LIN9: variants seen among roughly 807,000 people sequenced by gnomAD.
LIN9 encodes lin-9 DREAM MuvB core complex component.
A neutral mutation model predicts 78.0 loss-of-function variants in LIN9; 18 were observed. The ratio of observed to expected loss-of-function variants is 0.23; its 90% CI spans 0.16 to 0.34. The LOEUF is 0.34. Among genes scored for constraint, LIN9 ranks in the 10% least tolerant of loss-of-function variants. The pLI, the probability that LIN9 is intolerant of heterozygous loss-of-function variation, is 1.00. For missense variants in LIN9, 451 were observed against 644.1 expected, an observed-to-expected ratio of 0.70 and a Z score of 3.25; for synonymous variants, 192 against 215.2, an observed-to-expected ratio of 0.89 and a Z score of 0.94.
intron 12 of LIN9, 26 bp downstream of exon 12, chr1:226,238,945 G>A (rs370676013): frequency 1.3e-6 from 2 of 1,591,904 alleles, no homozygotes; most frequent in Non-Finnish European, 1.7e-6. Flanking sequence ...TACAAATATG[G>A]AGGGAAATCT....
upstream of LIN9, chr1:226,309,441 C>G (rs1354618467): frequency 2.7e-5 from 29 of 1,061,626 alleles, no homozygotes; most frequent in Non-Finnish European, 3.2e-5. Flanking sequence ...GGGAGCAGTA[C>G]CAGCTCCGGA....
chr1:226,287,620 T>C (rs1234518414), intron 5 of LIN9, 44 bp downstream of exon 5: 2 of 1,389,004 alleles, frequency 1.4e-6, no homozygotes. Context: ...AAAACTTAAA[T>C]TTCTGATTCA....
intron 4 of LIN9, among the ~76,000 whole-genome samples, chr1:226,293,325 G>C (rs1661910968): frequency 6.6e-6 from 1 of 152,180 alleles, no homozygotes; most frequent in South Asian, 2.1e-4. Flanking sequence ...AGTCCAGAAG[G>C]AGTGATGTGC....
intron 2 of LIN9, among the ~76,000 whole-genome samples, chr1:226,299,033 CAT>C (rs1396625818): frequency 3.3e-5 from 5 of 152,022 alleles, no homozygotes; most frequent in African/African-American, 4.8e-5. Flanking sequence ...AATGATTAGA[CAT>C]ATTGTGAAAA....
chr1:226,297,679 C>A, intron 3 of LIN9, 40 bp downstream of exon 3: 1 of 1,351,880 alleles, frequency 7.4e-7, no homozygotes, highest in Non-Finnish European at 1.0e-6. Flanking sequence ...GACAACTTAG[C>A]TAGAATTATT....
chr1:226,244,227 T>TA (rs1036038948), intron 11 of LIN9, among the ~76,000 whole-genome samples: 22 of 142,526 alleles, frequency 1.5e-4, no homozygotes, highest in Middle Eastern at 3.5e-3. Flanking sequence ...GGCCAGGAGT[T>TA]AAAGACTAGC....
chr1:226,250,745 C>T, intron 11 of LIN9, 94 bp downstream of exon 11: 2 of 665,198 alleles, frequency 3.0e-6, no homozygotes, highest in East Asian at 5.7e-5. Context: ...CTGAAGGTTT[C>T]CTTCCATAGA....
rs1478761485 is a variant in LIN9 at position 226,278,000 on chromosome 1, TTTC to T, written c.525-71_525-69del. ...ATATAAAAACTTAAAATCTTTTTTT[TTTC>T]TTTTTTTGAGATAGAGTCTGGCTCT... On this transcript the variant is annotated intron_variant, in intron 6 of 14. Coordinates refer to ENST00000681046, the MANE Select transcript of LIN9 (RefSeq NM_001366245.2). 2.1e-5 allele frequency: 29 copies of T among 1,375,590 alleles called. No individual in the cohort carries two copies. The Admixed American group carries it at 2.9e-4, about 14-fold the overall frequency. 85.2% of individuals were successfully genotyped at this position (1,375,590 alleles called of 1,614,324 possible). A position where few individuals can be genotyped will look rare whatever the true frequency, so the allele number is the denominator to read the frequency against.
chr1:226,235,835 C>A (rs1411152808), intron 12 of LIN9, among the ~76,000 whole-genome samples: 1 of 152,200 alleles, frequency 6.6e-6, no homozygotes, highest in East Asian at 1.9e-4. Flanking sequence ...CAACTCCTAC[C>A]CCATTCCCAA....
intron 11 of LIN9, among the ~76,000 whole-genome samples, chr1:226,243,121 A>C (rs1658224057): frequency 6.6e-6 from 1 of 152,234 alleles, no homozygotes; most frequent in Admixed American, 6.5e-5. Flanking sequence ...TTTGAGGGTC[A>C]ACTGTATTTG....
At position 226,265,608 on chromosome 1, in the gene LIN9, C is replaced by T. The variant is rs144126698; in HGVS notation, c.963G>A (p.Ser321=). The T allele has an allele frequency of 1.9e-4, 305 of 1,606,116 alleles. No homozygotes were observed. The highest frequency in any genetic ancestry group is 1.9e-4 in the Non-Finnish European group (221 of 1,173,142). Residue 321 remains serine (S), a synonymous_variant, in exon 10 of 15, where the codon TCG becomes TCA. Transcript: ENST00000681046. This position sits in a 1 kb window ranked among gnomAD's most constrained non-coding sequence, Gnocchi z 4.1. ...IIDNDPLLGQ[S]PWRSKISGSD... is the part of the protein sequence containing the mutation. ...AGCCAGAAATTTTACTTCTCCACGG[C>T]GACTGTCCTAATAAAGGATCATTAT... is the stretch of plus-strand genomic sequence containing the variant.
chr1:226,301,095 A>G, intron 2 of LIN9, 78 bp downstream of exon 2: 2 of 1,030,706 alleles, frequency 1.9e-6, no homozygotes, highest in Non-Finnish European at 2.8e-6. Flanking sequence ...TAGAAGGAAA[A>G]TGGAAACACT....
chr1:226,286,484 T>C (rs982378215), intron 5 of LIN9, 26 bp from the exon 6 acceptor site: 9 of 1,515,582 alleles, frequency 5.9e-6, no homozygotes, highest in African/African-American at 1.4e-5. Flanking sequence ...AGTATTTTAA[T>C]GGTTACATAC....
At chr1:226,288,585 T>C (rs1238214285) in intron 4 of LIN9, among the ~76,000 whole-genome samples, 2 of 152,108 alleles carry the variant, frequency 1.3e-5, no homozygotes, top group South Asian at 2.1e-4. Context: ...AAAGTTGATA[T>C]ACAAAAACCA....
intron 11 of LIN9, among the ~76,000 whole-genome samples, chr1:226,240,290 G>A (rs1276033106): frequency 6.6e-6 from 1 of 152,076 alleles, no homozygotes; most frequent in Non-Finnish European, 1.5e-5. Context: ...TGTTGCCCAG[G>A]CTAGACTCGA....
intron 11 of LIN9, among the ~76,000 whole-genome samples, chr1:226,247,774 C>T (rs573529417): frequency 9.9e-5 from 15 of 151,462 alleles, no homozygotes; most frequent in East Asian, 5.8e-4. Flanking sequence ...TGGGTTCAAG[C>T]GACTCTCCTG....
chr1:226,237,722 C>T (rs965656860), intron 12 of LIN9, among the ~76,000 whole-genome samples: 22 of 150,120 alleles, frequency 1.5e-4, no homozygotes, highest in Admixed American at 3.3e-4. Context: ...CCGAGGAGGG[C>T]GGATCACTTG....
In LIN9 at chr1:226,239,045, T is replaced by C. The variant is rs374186918; in HGVS notation, c.1171A>G (p.Ile391Val). The C allele has an allele frequency of 4.6e-5, 74 of 1,613,732 alleles. No individual in the cohort carries two copies. The highest frequency in any genetic ancestry group is 1.1e-4 in the East Asian group (5 of 44,834). The change falls in exon 12 of 15, where the codon ATT becomes GTT. Residue 391 changes from isoleucine to valine, a missense_variant. Physicochemically the swap from Ile to Val is conservative, Grantham distance 29. Transcript: ENST00000681046. ...SIEFQRRYAT[I>V]VLELEQLNKD... The stretch of plus-strand genomic sequence containing the variant: ...TTCAGCTGTTCAAGCTCCAGAACAA[T>C]TGTTGCATATCTCCGCTGAAATTCA...
intron 1 of LIN9, among the ~76,000 whole-genome samples, chr1:226,306,522 G>C (rs1220299391): frequency 1.3e-5 from 2 of 152,172 alleles, no homozygotes; most frequent in African/African-American, 4.8e-5. Flanking sequence ...ACAGGCAAGA[G>C]ATATCAAGAA....
Sources: allele counts gnomAD v4.1 joint callset (sites outside exome capture counted in the v4.1 genomes callset), GRCh38; gene constraint gnomAD v4.1.1; non-coding constraint Gnocchi (gnomAD v3.1); transcripts MANE v1.5; gene names NCBI Gene and HGNC (gene_info 2026-07-23, HGNC 2026-07-21).